The following LRRC49 variants were observed in gnomAD, a reference collection of about 807,000 sequenced individuals.
The protein encoded by LRRC49 is leucine-rich repeat-containing protein 49.
Under a neutral mutation model 83.3 loss-of-function variants are expected in LRRC49, and 50 were observed. The observed-to-expected ratio is 0.60, with a 90% CI of 0.48 to 0.76. LRRC49 has a LOEUF of 0.76. Among genes scored for constraint, LRRC49 ranks in the 30% least tolerant of loss-of-function variants. LRRC49 has a pLI of 0.00. For synonymous variants in LRRC49, 286 were observed against 283.3 expected, an observed-to-expected ratio of 1.01 and a Z score of -0.10; for missense variants, 704 against 809.1, an observed-to-expected ratio of 0.87 and a Z score of 1.58.
intron 5 of LRRC49, among the ~76,000 whole-genome samples, chr15:70,911,266 A>G (rs1282310285): frequency 6.6e-6 from 1 of 152,202 alleles, no homozygotes; most frequent in Non-Finnish European, 1.5e-5. Flanking sequence ...AACTGCCTTG[A>G]ATAAGTGCCT....
At chr15:71,012,625 C>T (rs140450115) in intron 13 of LRRC49, among the ~76,000 whole-genome samples, 179 bp from the exon 14 acceptor site, 155 of 152,268 alleles carry the variant, frequency 1.0e-3, no homozygotes, top group African/African-American at 3.6e-3. Context: ...TATACGTCTT[C>T]ATTTTAACTC....
intron 4 of LRRC49, among the ~76,000 whole-genome samples, chr15:70,901,626 C>G (rs1309241929): frequency 2.6e-5 from 4 of 152,192 alleles, no homozygotes; most frequent in African/African-American, 4.8e-5. Context: ...ACTGAAGTCT[C>G]TAGCCCCCTT....
intron 9 of LRRC49, among the ~76,000 whole-genome samples, chr15:70,966,286 A>G (rs2036790633): frequency 6.6e-6 from 1 of 152,108 alleles, no homozygotes; most frequent in Non-Finnish European, 1.5e-5. Flanking sequence ...CAGTGAACTC[A>G]TAGGGAGTGA....
At chr15:70,982,214 A>G (rs772162417) in intron 10 of LRRC49, among the ~76,000 whole-genome samples, 3 of 152,064 alleles carry the variant, frequency 2.0e-5, no homozygotes, top group African/African-American at 4.8e-5. Flanking sequence ...TGCTTTATCT[A>G]TGTCATTCTG....
chr15:70,894,612 C>T, intron 2 of LRRC49: 2 of 1,287,380 alleles, frequency 1.6e-6, no homozygotes, highest in Admixed American at 2.3e-5. Flanking sequence ...TGTCTCAAGA[C>T]ACAACATGAT....
chr15:70,863,564 C>T (rs1298220196), intron 1 of LRRC49, among the ~76,000 whole-genome samples: 1 of 152,130 alleles, frequency 6.6e-6, no homozygotes, highest in East Asian at 1.9e-4. Context: ...TTCAAAAATC[C>T]CTACAGGAGG....
chr15:71,024,117 G>A (rs2039082022), intron 14 of LRRC49, among the ~76,000 whole-genome samples: 1 of 152,212 alleles, frequency 6.6e-6, no homozygotes, highest in Admixed American at 6.5e-5. Context: ...GATCTCCCTG[G>A]GACTGAGCCC....
intron 15 of LRRC49, chr15:71,048,976 C>T (rs2039939856): frequency 2.6e-6 from 1 of 382,412 alleles, no homozygotes; most frequent in African/African-American, 2.1e-5. Flanking sequence ...TCAGAGTATA[C>T]ATACTTAAAG....
At chr15:70,983,233 T>G (rs546604622) in intron 10 of LRRC49, among the ~76,000 whole-genome samples, 1 of 152,298 alleles carries the variant, frequency 6.6e-6, no homozygotes, top group East Asian at 1.9e-4. Context: ...CACAATTTCT[T>G]TCAGTAGTCT....
chr15:70,855,228 G>A (rs374056311), intron 1 of LRRC49, among the ~76,000 whole-genome samples: 4 of 151,822 alleles, frequency 2.6e-5, no homozygotes, highest in Non-Finnish European at 4.4e-5. Flanking sequence ...CCAGCTACTC[G>A]GGAGGCTGAG....
intron 8 of LRRC49, among the ~76,000 whole-genome samples, chr15:70,947,881 A>G (rs1191323787): frequency 1.3e-5 from 2 of 152,142 alleles, no homozygotes; most frequent in Non-Finnish European, 2.9e-5. Flanking sequence ...CCTGGGACAT[A>G]TGGTCCTTAT....
In LRRC49 at chr15:71,012,822, A is replaced by G; in HGVS notation, c.1612A>G (p.Ile538Val). 6.2e-7 allele frequency: 1 copy of G among 1,611,630 alleles called. No homozygotes were observed. Among genetic ancestry groups the G allele is most frequent in the Non-Finnish European group, 8.5e-7 (1 of 1,178,240 alleles). Reference protein sequence around the residue: ...NGTEVTQNDMIMAERLFGILA... With the variant: ...NGTEVTQNDMVMAERLFGILA... ...TCTTCAGGTGACACAGAATGATATGATAATGGCTGAAAGGCTCTTTGGAAT... is the reference window on the plus strand; with the variant it reads ...TCTTCAGGTGACACAGAATGATATGGTAATGGCTGAAAGGCTCTTTGGAAT... Residue 538 changes from isoleucine (I) to valine (V), a missense_variant, in exon 14 of 16, where the codon ATA becomes GTA. Around this residue, in one of 3 missense-constraint regions of LRRC49, gnomAD observed 275 missense variants for 338.0 expected, o/e 0.81. Transcript: ENST00000260382.
At chr15:70,930,268 A>G (rs560829784) in intron 7 of LRRC49, among the ~76,000 whole-genome samples, 79 of 152,342 alleles carry the variant, frequency 5.2e-4, no homozygotes, top group Middle Eastern at 6.8e-3. Context: ...CTCCTTCTAC[A>G]TCTCCATCTG....
At chr15:70,853,556 C>G (rs1347006031) in intron 1 of LRRC49, 1 of 198,224 alleles carries the variant, frequency 5.0e-6, no homozygotes, top group African/African-American at 2.3e-5. Context: ...AGGGAGCCCA[C>G]AGAGAAGAGG....
At chr15:70,868,618 G>T (rs936927585) in intron 1 of LRRC49, among the ~76,000 whole-genome samples, 2 of 152,256 alleles carry the variant, frequency 1.3e-5, no homozygotes, top group African/African-American at 4.8e-5. Context: ...GTCTAGGGTA[G>T]AGCCTGAGAA....
chr15:70,870,952 T>TG (rs1242154087), intron 1 of LRRC49, among the ~76,000 whole-genome samples: 4 of 151,096 alleles, frequency 2.6e-5, no homozygotes, highest in South Asian at 2.1e-4. Flanking sequence ...TTAGTTTTTT[T>TG]TTTTTTTTTT....
chr15:71,034,727 C>G (rs1000096085), intron 14 of LRRC49, among the ~76,000 whole-genome samples: 9 of 152,140 alleles, frequency 5.9e-5, no homozygotes, highest in Non-Finnish European at 1.0e-4. Context: ...GAAATGAGGT[C>G]ATGTCCCTTG....
At chr15:70,896,303 A>T (rs942200140) in intron 3 of LRRC49, among the ~76,000 whole-genome samples, 1 of 152,144 alleles carries the variant, frequency 6.6e-6, no homozygotes, top group Non-Finnish European at 1.5e-5. Context: ...TAGAGAAGAA[A>T]CAATCTTTCC....
intron 1 of LRRC49, among the ~76,000 whole-genome samples, chr15:70,871,408 C>G (rs564614308): frequency 1.3e-5 from 2 of 152,328 alleles, no homozygotes; most frequent in East Asian, 1.9e-4. Flanking sequence ...ACATTTCCCC[C>G]CTCTCTACTC....
Sources: allele counts gnomAD v4.1 joint callset (sites outside exome capture counted in the v4.1 genomes callset), GRCh38; gene constraint gnomAD v4.1.1; regional missense constraint gnomAD v4.1.1; transcripts MANE v1.5; gene names NCBI Gene and HGNC (gene_info 2026-07-23, HGNC 2026-07-21).